Variants in MTUS2 observed in about 807,000 individuals in gnomAD.
MTUS2 encodes the protein microtubule associated scaffold protein 2.
Under a neutral mutation model 114.1 loss-of-function variants are expected in MTUS2, and 40 were observed. The observed-to-expected ratio is 0.35, with a 90% CI of 0.27 to 0.46. The LOEUF (loss-of-function observed/expected upper bound fraction) is 0.46, where lower values mean the gene tolerates loss of function less well. Ranked by LOEUF, MTUS2 falls within the 20% of genes least tolerant of loss-of-function variation. The probability of loss-of-function intolerance (pLI) is 1.00; values close to 1 mark genes in which losing one functional copy is unlikely to be tolerated. For synonymous variants in MTUS2, 688 were observed against 672.0 expected, an observed-to-expected ratio of 1.02 and a Z score of -0.37; for missense variants, 1,679 against 1,705.4, an observed-to-expected ratio of 0.98 and a Z score of 0.27.
chr13:29,491,292 G>A (rs1474836830), intron 11 of MTUS2, among the ~76,000 whole-genome samples: 1 of 150,860 alleles, frequency 6.6e-6, no homozygotes, highest in Non-Finnish European at 1.5e-5. Flanking sequence ...GTATGGATTT[G>A]GAGGTGTGCA....
At chr13:28,982,027 G>A (rs1431640787) in intron 2 of MTUS2, among the ~76,000 whole-genome samples, 2 of 152,146 alleles carry the variant, frequency 1.3e-5, no homozygotes, top group Non-Finnish European at 2.9e-5. Context: ...ATTCTTACAT[G>A]GTGAATCAAT....
intron 5 of MTUS2, among the ~76,000 whole-genome samples, chr13:29,280,900 T>C (rs1217288446): frequency 6.6e-6 from 1 of 152,226 alleles, no homozygotes; most frequent in African/African-American, 2.4e-5. Context: ...TTTAGAAAGA[T>C]ATAGAAGAAA....
chr13:28,836,224 CAAAAT>C (rs769338980), intron 1 of MTUS2, among the ~76,000 whole-genome samples: 15 of 152,110 alleles, frequency 9.9e-5, no homozygotes, highest in Non-Finnish European at 1.8e-4. Flanking sequence ...GTTGAATCCT[CAAAAT>C]AAAGTATTTC....
chr13:29,047,757 A>G (rs554772729), intron 4 of MTUS2, among the ~76,000 whole-genome samples: 5 of 151,934 alleles, frequency 3.3e-5, no homozygotes, highest in South Asian at 4.2e-4. Flanking sequence ...TGATGCGCCC[A>G]CCTTGGCCTC....
At chr13:28,956,286 C>T (rs948718233) in intron 2 of MTUS2, among the ~76,000 whole-genome samples, 2 of 151,978 alleles carry the variant, frequency 1.3e-5, no homozygotes, top group African/African-American at 4.8e-5. Context: ...TTTTCAGTCC[C>T]CACCCTCACC....
intron 2 of MTUS2, among the ~76,000 whole-genome samples, chr13:28,844,006 A>G (rs1875689245): frequency 1.3e-5 from 2 of 152,254 alleles, no homozygotes; most frequent in African/African-American, 4.8e-5. Flanking sequence ...AAAGGAGTTC[A>G]TCATATTTGA....
intron 4 of MTUS2, among the ~76,000 whole-genome samples, chr13:29,062,712 G>A (rs1888478963): frequency 6.6e-6 from 1 of 152,056 alleles, no homozygotes; most frequent in African/African-American, 2.4e-5. Flanking sequence ...TGTTGATCCT[G>A]TAAGTATCAC....
At chr13:29,454,204 A>G (rs1373182273) in intron 9 of MTUS2, among the ~76,000 whole-genome samples, 3 of 152,206 alleles carry the variant, frequency 2.0e-5, no homozygotes, top group Non-Finnish European at 4.4e-5. Flanking sequence ...AAGTTTCGGT[A>G]TGAATCTGAT....
chr13:29,406,187 GTCT>G (rs1447839074), intron 8 of MTUS2, among the ~76,000 whole-genome samples: 3 of 152,166 alleles, frequency 2.0e-5, no homozygotes, highest in African/African-American at 7.2e-5. Context: ...AACCTACCCT[GTCT>G]TAGTTATCTA....
intron 7 of MTUS2, among the ~76,000 whole-genome samples, chr13:29,337,191 GAA>G (rs56293634): frequency 0.27 from 39,604 of 149,340 alleles, 5,902 homozygotes; most frequent in African/African-American, 0.42. Flanking sequence ...ACTGGCATAT[GAA>G]AAAAAAAAAA....
chr13:29,174,936 G>T (rs184630979), intron 5 of MTUS2, among the ~76,000 whole-genome samples: 4 of 152,246 alleles, frequency 2.6e-5, no homozygotes, highest in South Asian at 2.1e-4. Flanking sequence ...GAAGCAGTTC[G>T]CTATTCCTTC....
chr13:29,224,516 A>G (rs1896031441), intron 5 of MTUS2, among the ~76,000 whole-genome samples: 1 of 151,918 alleles, frequency 6.6e-6, no homozygotes, highest in African/African-American at 2.4e-5. Context: ...CAAAAATTCT[A>G]ATTATATCTC....
intron 4 of MTUS2, among the ~76,000 whole-genome samples, chr13:29,061,819 C>G (rs1292125684): frequency 3.3e-5 from 5 of 152,136 alleles, no homozygotes; most frequent in African/African-American, 9.7e-5. Flanking sequence ...CTGTTTATGG[C>G]TATTTCCATA....
At chr13:29,324,177 G>A (rs1446846599) in intron 6 of MTUS2, among the ~76,000 whole-genome samples, 1 of 152,222 alleles carries the variant, frequency 6.6e-6, no homozygotes, top group East Asian at 1.9e-4. Flanking sequence ...CCGTGGCTTG[G>A]CTCCGGGTAA....
intron 8 of MTUS2, among the ~76,000 whole-genome samples, chr13:29,392,179 C>T (rs1873552617): frequency 6.7e-6 from 1 of 148,746 alleles, no homozygotes; most frequent in Admixed American, 6.7e-5. Context: ...CACTTGTTAT[C>T]TTTCCAAACT....
At chr13:29,186,027 A>G (rs114328526) in intron 5 of MTUS2, among the ~76,000 whole-genome samples, 263 of 152,222 alleles carry the variant, frequency 1.7e-3, no homozygotes, top group African/African-American at 6.1e-3. Flanking sequence ...CCAAGGAAAC[A>G]TAAAAAGACC....
intron 8 of MTUS2, among the ~76,000 whole-genome samples, chr13:29,359,861 G>T (rs1043812897): frequency 4.6e-5 from 7 of 152,172 alleles, no homozygotes; most frequent in African/African-American, 1.7e-4. Flanking sequence ...ACAACAAAGG[G>T]AGACAGGGCC....
chr13:29,059,904 AG>A (rs1447467241), intron 4 of MTUS2, among the ~76,000 whole-genome samples: 2 of 152,214 alleles, frequency 1.3e-5, no homozygotes, highest in African/African-American at 4.8e-5. Flanking sequence ...CTGGAACAAC[AG>A]GAGGGCTGTG....
chr13:29,322,366 G>A (rs1173031262), intron 6 of MTUS2, among the ~76,000 whole-genome samples: 7 of 152,126 alleles, frequency 4.6e-5, no homozygotes, highest in African/African-American at 1.7e-4. Flanking sequence ...TACCCTGAGG[G>A]GTACCCGTGA....
Sources: gnomAD v4.1 joint callset for allele counts (sites outside exome capture counted in the v4.1 genomes callset) on GRCh38, gnomAD v4.1.1 for gene constraint, MANE v1.5 for transcripts, NCBI Gene and HGNC (gene_info 2026-07-23, HGNC 2026-07-21) for gene names.